The following KSR2 variants were observed in gnomAD, a reference collection of about 807,000 sequenced individuals.
KSR2 encodes the protein kinase suppressor of ras 2.
In KSR2, 25 loss-of-function variants were observed where a neutral mutation model predicts 107.8. The observed-to-expected ratio is 0.23, with a 90% CI of 0.17 to 0.32. The LOEUF (loss-of-function observed/expected upper bound fraction) is 0.32, where lower values mean the gene tolerates loss of function less well. Ranked by LOEUF, KSR2 falls within the 10% of genes least tolerant of loss-of-function variation. KSR2 has a pLI of 1.00. For missense variants in KSR2, 887 were observed against 1,268.9 expected (o/e 0.70, Z 4.57); for synonymous variants, 480 against 507.0 (o/e 0.95, Z 0.71).
chr12:117,564,042 T>TC (rs150848339), intron 7 of KSR2, among the ~76,000 whole-genome samples: 5,771 of 152,234 alleles, frequency 0.038, 336 homozygotes, highest in African/African-American at 0.13. Flanking sequence ...AACGTGGCCT[T>TC]CCCCATGGCT....
chr12:117,919,739 C>T (rs1252923165), intron 1 of KSR2, among the ~76,000 whole-genome samples: 2 of 152,230 alleles, frequency 1.3e-5, no homozygotes, highest in Non-Finnish European at 2.9e-5. Context: ...CTTTAAGAAC[C>T]AGCATGGGAG....
chr12:117,671,024 C>T (rs893295402), intron 4 of KSR2, among the ~76,000 whole-genome samples: 4 of 152,158 alleles, frequency 2.6e-5, no homozygotes, highest in Admixed American at 1.3e-4. Context: ...GACCCAATGT[C>T]CTTAACATGG....
chr12:117,549,043 G>T (rs1877090854), intron 9 of KSR2, among the ~76,000 whole-genome samples: 1 of 152,186 alleles, frequency 6.6e-6, no homozygotes, highest in Admixed American at 6.5e-5. Flanking sequence ...AGGTTATGCT[G>T]TAGTTCATTC....
intron 4 of KSR2, among the ~76,000 whole-genome samples, chr12:117,756,080 G>C (rs1045157503): frequency 4.6e-5 from 7 of 152,234 alleles, no homozygotes; most frequent in African/African-American, 1.7e-4. Flanking sequence ...TTTGTGGAAA[G>C]AAGTTGTCTC....
chr12:117,672,968 G>A (rs1364734754), intron 4 of KSR2, among the ~76,000 whole-genome samples: 1 of 152,208 alleles, frequency 6.6e-6, no homozygotes, highest in Non-Finnish European at 1.5e-5. Flanking sequence ...CCCTTAGTGA[G>A]TGAAGAGGAC....
intron 14 of KSR2, among the ~76,000 whole-genome samples, chr12:117,490,400 A>C (rs1486971644): frequency 6.6e-6 from 1 of 152,232 alleles, no homozygotes; most frequent in African/African-American, 2.4e-5. Context: ...TATGTGCCAG[A>C]CACTAGCCTA....
At chr12:117,505,458 GCTCAAA>G (rs34478597) in intron 14 of KSR2, among the ~76,000 whole-genome samples, 122,825 of 151,974 alleles carry the variant, frequency 0.81, 50,060 homozygotes, top group East Asian at 0.98. Flanking sequence ...TCAAACAGAA[GCTCAAA>G]TGCTTCTGTT....
chr12:117,722,715 G>A (rs1025026238), intron 4 of KSR2, among the ~76,000 whole-genome samples: 14 of 152,170 alleles, frequency 9.2e-5, no homozygotes, highest in Non-Finnish European at 1.9e-4. Flanking sequence ...TGTCTATGGA[G>A]TAGCCATTCT....
At chr12:117,508,331 G>A (rs1440039318) in intron 14 of KSR2, among the ~76,000 whole-genome samples, 1 of 152,156 alleles carries the variant, frequency 6.6e-6, no homozygotes, top group Non-Finnish European at 1.5e-5. Flanking sequence ...CACACGGCAT[G>A]CTTCCATCAC....
intron 1 of KSR2, among the ~76,000 whole-genome samples, chr12:117,884,116 T>C (rs997912261): frequency 1.2e-4 from 19 of 152,044 alleles, no homozygotes; most frequent in African/African-American, 3.9e-4. Flanking sequence ...ATCTTACAAA[T>C]AGAAAAACAG....
At chr12:117,485,569 A>T in intron 15 of KSR2, 26 bp downstream of exon 15, 1 of 1,581,682 alleles carries the variant, frequency 6.3e-7, no homozygotes, top group Non-Finnish European at 8.7e-7. Context: ...TGAGATTTAG[A>T]TAGGAGGCCC....
At chr12:117,760,970 C>G (rs754953877) in intron 4 of KSR2, 41 bp downstream of exon 4, 2 of 1,610,420 alleles carry the variant, frequency 1.2e-6, no homozygotes, top group South Asian at 2.2e-5. Flanking sequence ...CCTCGCAGGC[C>G]GGGTTTCGAC....
chr12:117,602,212 T>G (rs1376811800), intron 5 of KSR2, among the ~76,000 whole-genome samples: 1 of 152,258 alleles, frequency 6.6e-6, no homozygotes, highest in Non-Finnish European at 1.5e-5. Context: ...AGGTTTTTTT[T>G]GTTTTGCTTT....
intron 5 of KSR2, among the ~76,000 whole-genome samples, chr12:117,635,794 CTT>C (rs780731850): frequency 1.0e-4 from 14 of 140,606 alleles, no homozygotes; most frequent in Non-Finnish European, 7.7e-5. Context: ...TGGTATGTTA[CTT>C]TTTTTTTTTT....
intron 17 of KSR2, among the ~76,000 whole-genome samples, chr12:117,474,615 T>C (rs999999563): frequency 6.6e-6 from 1 of 152,180 alleles, no homozygotes; most frequent in Non-Finnish European, 1.5e-5. Flanking sequence ...TGCATGGCCA[T>C]GGGAGCCTAG....
intron 1 of KSR2, among the ~76,000 whole-genome samples, chr12:117,860,823 A>G (rs1389193267): frequency 6.6e-6 from 1 of 152,060 alleles, no homozygotes; most frequent in African/African-American, 2.4e-5. Context: ...AGTTCAAGCA[A>G]TTCTCCGGCC....
intron 5 of KSR2, among the ~76,000 whole-genome samples, chr12:117,648,455 G>A (rs939996470): frequency 1.3e-5 from 2 of 152,190 alleles, no homozygotes; most frequent in Non-Finnish European, 2.9e-5. Context: ...AGGCATTGGG[G>A]CTTCATTTAT....
intron 9 of KSR2, among the ~76,000 whole-genome samples, chr12:117,551,887 C>T (rs934674159): frequency 6.6e-6 from 1 of 152,188 alleles, no homozygotes; most frequent in Non-Finnish European, 1.5e-5. Context: ...ATGTCACAGT[C>T]ACTGATCTAT....
intron 4 of KSR2, among the ~76,000 whole-genome samples, chr12:117,745,281 A>G (rs1273696163): frequency 6.6e-6 from 1 of 152,214 alleles, no homozygotes; most frequent in Non-Finnish European, 1.5e-5. Context: ...TTCAGGACTA[A>G]ATAAAATAAA....
Sources: gnomAD v4.1 joint callset for allele counts (sites outside exome capture counted in the v4.1 genomes callset) on GRCh38, gnomAD v4.1.1 for gene constraint, MANE v1.5 for transcripts, NCBI Gene and HGNC (gene_info 2026-07-23, HGNC 2026-07-21) for gene names.